The following STRADB variants were observed in gnomAD, a reference collection of about 807,000 sequenced individuals.
STRADB encodes STE20-related kinase adapter protein beta.
A neutral mutation model predicts 52.1 loss-of-function variants in STRADB; 34 were observed. The observed-to-expected ratio is 0.65, with a 90% CI of 0.50 to 0.87. STRADB has a LOEUF of 0.87. STRADB is among the 40% of genes least tolerant of loss of function. The pLI, the probability that STRADB is intolerant of heterozygous loss-of-function variation, is 0.00. For missense variants in STRADB, 340 were observed against 483.9 expected (o/e 0.70, Z 2.79); for synonymous variants, 133 against 174.5 (o/e 0.76, Z 1.87).
chr2:201,453,851 G>GTGT (rs1952087960), intron 1 of STRADB, among the ~76,000 whole-genome samples: 1 of 152,172 alleles, frequency 6.6e-6, no homozygotes, highest in African/African-American at 2.4e-5. Context: ...ATGAATGGTA[G>GTGT]GTGGCTAAAT....
chr2:201,464,052 G>C (rs1171876109), intron 3 of STRADB, among the ~76,000 whole-genome samples: 1 of 152,062 alleles, frequency 6.6e-6, no homozygotes, highest in African/African-American at 2.4e-5. Flanking sequence ...GGAAGGTCAC[G>C]TATCTCTGTC....
At chr2:201,462,451 G>T (rs1362267534) in intron 3 of STRADB, among the ~76,000 whole-genome samples, 1 of 151,868 alleles carries the variant, frequency 6.6e-6, no homozygotes, top group African/African-American at 2.4e-5. Context: ...TATTTGTTTT[G>T]TATTCTCTTC....
chr2:201,453,015 AATT>A (rs1171475803), intron 1 of STRADB, among the ~76,000 whole-genome samples: 1 of 152,104 alleles, frequency 6.6e-6, no homozygotes, highest in Non-Finnish European at 1.5e-5. Context: ...TGCCGGAGAA[AATT>A]ATAATAACAG....
In STRADB at chr2:201,480,046, C is replaced by T. The variant is rs1158770069; in HGVS notation, c.1128C>T (p.Ser376=). The change falls in exon 12 of 12, where the codon AGC becomes AGT. Residue 376 remains serine, a synonymous_variant. Coordinates refer to ENST00000194530, the MANE Select transcript of STRADB (RefSeq NM_018571.6). Reference sequence around the variant, plus strand: ...TTCTTTAACAGATGAAAGAAGAAAGCCAGGATTCAATACTTTCACTGTTGC... The same window carrying T: ...TTCTTTAACAGATGAAAGAAGAAAGTCAGGATTCAATACTTTCACTGTTGC... ...HVFFKQMKEE[S]QDSILSLLPP... The T allele has an allele frequency of 6.2e-7, 1 of 1,613,644 alleles. No homozygotes were observed. The highest frequency in any genetic ancestry group is 8.5e-7 in the Non-Finnish European group (1 of 1,179,770).
chr2:201,468,834 T>G (rs1468191642), intron 3 of STRADB, among the ~76,000 whole-genome samples: 1 of 152,254 alleles, frequency 6.6e-6, no homozygotes, highest in Non-Finnish European at 1.5e-5. Flanking sequence ...ATGTGGTCAT[T>G]AAATCTGAGT....
intron 3 of STRADB, among the ~76,000 whole-genome samples, chr2:201,468,862 GT>G (rs2125678499): frequency 6.6e-6 from 1 of 152,238 alleles, no homozygotes; most frequent in South Asian, 2.1e-4. Flanking sequence ...AAGACTACCT[GT>G]TTTAAAGAAA....
intron 6 of STRADB, among the ~76,000 whole-genome samples, chr2:201,475,006 T>C (rs1952449659): frequency 6.6e-6 from 1 of 152,250 alleles, no homozygotes; most frequent in Admixed American, 6.5e-5. Flanking sequence ...AAGCTGTGTC[T>C]TCCCTTCAGC....
chr2:201,459,296 G>C (rs2125672916), intron 3 of STRADB, among the ~76,000 whole-genome samples: 1 of 152,232 alleles, frequency 6.6e-6, no homozygotes, highest in Non-Finnish European at 1.5e-5. Flanking sequence ...ATGCTTCTCA[G>C]ATTTTTACCT....
intron 6 of STRADB, among the ~76,000 whole-genome samples, chr2:201,474,958 A>G (rs184666532): frequency 6.6e-6 from 1 of 152,338 alleles, no homozygotes; most frequent in East Asian, 1.9e-4. Context: ...TGATCAGTGA[A>G]CCACCACTGC....
intron 2 of STRADB, among the ~76,000 whole-genome samples, chr2:201,456,138 A>C (rs1462368224): frequency 6.6e-6 from 1 of 152,218 alleles, no homozygotes; most frequent in Admixed American, 6.5e-5. Flanking sequence ...TTCTGCTGAA[A>C]TACTAGCATG....
At chr2:201,465,799 A>T (rs1952293492) in intron 3 of STRADB, among the ~76,000 whole-genome samples, 1 of 152,190 alleles carries the variant, frequency 6.6e-6, no homozygotes, top group East Asian at 1.9e-4. Flanking sequence ...GGGATGGGTG[A>T]TTCCCCTCTG....
At position 201,467,174 on chromosome 2, in the gene STRADB, C is replaced by T. The variant is rs139401291; in HGVS notation, c.94-2779C>T. ...GCCCTTACATTGTATTATCAATCCA[C>T]TCTTATAGAAAAGTTACATGGGAAA... On this transcript the variant is annotated intron_variant, in intron 3 of 11. Transcript: ENST00000194530. 2.0e-5 allele frequency among the ~76,000 whole-genome samples: 3 copies of T among 152,308 alleles called. No homozygotes were observed. The East Asian group carries it at 5.8e-4, about 29-fold the overall frequency.
rs565091574 is a variant in STRADB, at chr2:201,469,980, C to T, written c.121C>T (p.Arg41Cys). ...LVDEPTLSWS[R>C]PSTRASEVLC... ...TGATGAGCCAACCCTTTCCTGGTCA[C>T]GTCCATCCACTAGAGCCAGTGAAGT... Residue 41 changes from arginine (R) to cysteine (C), a missense_variant, in exon 4 of 12, where the codon CGT (arginine) becomes TGT (cysteine). Arg to Cys is a radical substitution (Grantham distance 180, BLOSUM62 -3). Transcript: ENST00000194530. 5.3e-5 allele frequency: 85 copies of T among 1,613,814 alleles called. No homozygotes were observed. In the South Asian group the frequency reaches 8.0e-4, roughly 15 times the overall value.
At chr2:201,474,212 G>A (rs1212044857) in intron 5 of STRADB, among the ~76,000 whole-genome samples, 1 of 152,060 alleles carries the variant, frequency 6.6e-6, no homozygotes, top group African/African-American at 2.4e-5. Context: ...ATATTTATAT[G>A]TGCACATGTA....
chr2:201,463,481 C>A (rs1156898173), intron 3 of STRADB, among the ~76,000 whole-genome samples: 1 of 151,982 alleles, frequency 6.6e-6, no homozygotes, highest in Non-Finnish European at 1.5e-5. Flanking sequence ...CTTTTAGTAT[C>A]CTTTCTTTAT....
Position 201,477,933 on chromosome 2 carries a change from G to A in STRADB, c.720+143G>A, listed in dbSNP as rs1015739172. 17 of 1,198,750 alleles carry A rather than the reference G, an allele frequency of 1.4e-5. No homozygotes were observed. The Admixed American group carries it at 3.9e-4, about 28-fold the overall frequency. 74.3% of individuals were successfully genotyped at this position (1,198,750 alleles called of 1,614,324 possible). On this transcript the variant is annotated intron_variant, in intron 8 of 11. Transcript: ENST00000194530. ...CTCTTTCTTGTCAAAATTATGTTAG[G>A]AAATTAAATACCATATATGAAGTGT... is the stretch of plus-strand genomic sequence containing the variant.
chr2:201,458,730 C>G (rs1385436455), intron 2 of STRADB, 54 bp from the exon 3 acceptor site: 16 of 1,524,534 alleles, frequency 1.0e-5, no homozygotes, highest in African/African-American at 9.6e-5. Context: ...ACATACCACC[C>G]CTGCTTATCC....
At chr2:201,465,536 C>T (rs952637988) in intron 3 of STRADB, among the ~76,000 whole-genome samples, 2 of 152,198 alleles carry the variant, frequency 1.3e-5, no homozygotes, top group Admixed American at 6.5e-5. Flanking sequence ...GAAGGAATCT[C>T]CTGGAGCTAC....
intron 3 of STRADB, among the ~76,000 whole-genome samples, chr2:201,459,683 C>T (rs1253015830): frequency 2.6e-5 from 4 of 152,200 alleles, no homozygotes; most frequent in African/African-American, 7.2e-5. Flanking sequence ...CCACCACTCA[C>T]ATCTGTTCAG....
Sources: allele counts gnomAD v4.1 joint callset (sites outside exome capture counted in the v4.1 genomes callset), GRCh38; gene constraint gnomAD v4.1.1; transcripts MANE v1.5; gene names NCBI Gene and HGNC (gene_info 2026-07-23, HGNC 2026-07-21).